Variants in TULP4 observed in about 807,000 individuals in gnomAD.
TULP4 encodes the protein tubby-related protein 4.
TULP4 carries 16 observed loss-of-function variants against 129.0 expected under a neutral mutation model. The ratio of observed to expected loss-of-function variants is 0.12; its 90% CI spans 0.08 to 0.19. The LOEUF (loss-of-function observed/expected upper bound fraction) is 0.19. Among genes scored for constraint, TULP4 ranks in the 10% least tolerant of loss-of-function variants. The pLI is 1.00. For missense variants in TULP4, 1,842 were observed against 2,059.1 expected (o/e 0.89, Z 2.04); for synonymous variants, 998 against 854.0 (o/e 1.17, Z -2.94).
chr6:158,326,260 A>G (rs1583750613), intron 1 of TULP4, among the ~76,000 whole-genome samples: 1 of 152,166 alleles, frequency 6.6e-6, no homozygotes, highest in South Asian at 2.1e-4. Context: ...AAACCTTCCT[A>G]CATCTTCAGC....
intron 1 of TULP4, among the ~76,000 whole-genome samples, chr6:158,412,408 C>T (rs1181439433): frequency 2.0e-5 from 3 of 152,160 alleles, no homozygotes; most frequent in African/African-American, 4.8e-5. Context: ...TCAAAAGCCA[C>T]CTAGCCGAGT....
chr6:158,429,146 C>G (rs1778571793), intron 2 of TULP4, among the ~76,000 whole-genome samples: 1 of 152,060 alleles, frequency 6.6e-6, no homozygotes, highest in African/African-American at 2.4e-5. Flanking sequence ...CTGCTCCCGA[C>G]TAATTATTTT....
At chr6:158,453,791 A>G (rs1205409961) in intron 5 of TULP4, among the ~76,000 whole-genome samples, 1 of 50,588 alleles carries the variant, frequency 2.0e-5, no homozygotes, top group Admixed American at 1.8e-4. Context: ...TCTGTCTCGG[A>G]AAAAAAAAAA....
At chr6:158,379,419 T>C (rs888500402) in intron 1 of TULP4, among the ~76,000 whole-genome samples, 2 of 152,202 alleles carry the variant, frequency 1.3e-5, no homozygotes, top group Non-Finnish European at 2.9e-5. Flanking sequence ...AGGGGACTTA[T>C]GGACAGAGTG....
chr6:158,296,538 A>G (rs1779036057), intron 1 of TULP4, among the ~76,000 whole-genome samples: 1 of 152,122 alleles, frequency 6.6e-6, no homozygotes. Flanking sequence ...AAGCAGAACT[A>G]CTGATAAGGG....
At chr6:158,482,486 T>A (rs576915104) in intron 8 of TULP4, among the ~76,000 whole-genome samples, 2 of 152,060 alleles carry the variant, frequency 1.3e-5, no homozygotes, top group Admixed American at 6.6e-5. Flanking sequence ...ACTAGCAGAA[T>A]TGGGGCTGGT....
At chr6:158,489,454 C>G in intron 8 of TULP4, 134 bp from the exon 9 acceptor site, 2 of 1,066,316 alleles carry the variant, frequency 1.9e-6, no homozygotes, top group Non-Finnish European at 2.7e-6. Flanking sequence ...TGCCAAGCTT[C>G]TTTTTGGTTT....
At chr6:158,337,716 A>G (rs1358125310) in intron 1 of TULP4, among the ~76,000 whole-genome samples, 2 of 152,208 alleles carry the variant, frequency 1.3e-5, no homozygotes, top group Non-Finnish European at 2.9e-5. Flanking sequence ...GATACCAATC[A>G]ATCGACTTAT....
chr6:158,366,833 C>T (rs1160500572), intron 1 of TULP4, among the ~76,000 whole-genome samples: 1 of 152,176 alleles, frequency 6.6e-6, no homozygotes, highest in East Asian at 1.9e-4. Context: ...ACTAAATAAT[C>T]TCAAGGTCCC....
intron 11 of TULP4, among the ~76,000 whole-genome samples, chr6:158,495,495 G>A (rs1327880192): frequency 1.3e-5 from 2 of 152,152 alleles, no homozygotes; most frequent in Non-Finnish European, 2.9e-5. Context: ...TGCTGTGGGC[G>A]GATTTTTGGT....
chr6:158,501,568 T>C (rs1780445673), intron 12 of TULP4, 110 bp from the exon 13 acceptor site: 2 of 1,128,358 alleles, frequency 1.8e-6, no homozygotes, highest in East Asian at 5.0e-5. Context: ...TCTGGCAATT[T>C]GCATTTTGTT....
intron 1 of TULP4, among the ~76,000 whole-genome samples, chr6:158,322,323 C>T (rs1040885627): frequency 2.0e-5 from 3 of 152,020 alleles, no homozygotes; most frequent in African/African-American, 7.2e-5. Context: ...TAGTGATGGC[C>T]TGTTCTTTTT....
intron 1 of TULP4, among the ~76,000 whole-genome samples, chr6:158,405,442 G>A (rs938419337): frequency 1.3e-5 from 2 of 152,218 alleles, no homozygotes; most frequent in Non-Finnish European, 2.9e-5. Context: ...CTATTTATTG[G>A]TGATCAAACA....
At position 158,502,679 on chromosome 6, in the gene TULP4, C is replaced by T. The variant is rs201288009; in HGVS notation, c.3016C>T (p.Arg1006Trp). 215 of 1,558,580 alleles carry T rather than the reference C, an allele frequency of 1.4e-4. 1 individual carries two copies. Among genetic ancestry groups the T allele is most frequent in the Middle Eastern group, 1.7e-4 (1 of 5,868 alleles). Reference sequence around the variant, plus strand: ...GATGGCCCAGCTGGCCGACAGCCCGCGGGCCCCCCTGCAGCCCCTGGCCAA... The same window carrying T: ...GATGGCCCAGCTGGCCGACAGCCCGTGGGCCCCCCTGCAGCCCCTGGCCAA... ...LKMAQLADSPRAPLQPLAKSK... is the reference protein window; with the variant it reads ...LKMAQLADSPWAPLQPLAKSK... Residue 1006 changes from arginine to tryptophan, a missense_variant, in exon 13 of 14, where the codon CGG becomes TGG. Around this residue, in one of 5 missense-constraint regions of TULP4, gnomAD observed 1,089 missense variants for 987.1 expected, o/e 1.10. Coordinates refer to ENST00000367097, the MANE Select transcript of TULP4 (RefSeq NM_020245.5).
At chr6:158,339,571 C>A (rs1292531587) in intron 1 of TULP4, among the ~76,000 whole-genome samples, 2 of 152,128 alleles carry the variant, frequency 1.3e-5, no homozygotes, top group East Asian at 3.8e-4. Context: ...AGAGGCCCCA[C>A]CCTGGGAATG....
chr6:158,344,938 C>T (rs1780266148), intron 1 of TULP4, among the ~76,000 whole-genome samples: 1 of 152,170 alleles, frequency 6.6e-6, no homozygotes, highest in African/African-American at 2.4e-5. Flanking sequence ...AAGTGCTACT[C>T]CAGTGAACAT....
chr6:158,305,750 A>T (rs1779208270), intron 1 of TULP4, among the ~76,000 whole-genome samples: 1 of 151,438 alleles, frequency 6.6e-6, no homozygotes, highest in African/African-American at 2.4e-5. Context: ...CCTTTTGGCT[A>T]CTGTGAATCA....
chr6:158,269,009 C>T (rs1778499893), intron 1 of TULP4, among the ~76,000 whole-genome samples: 2 of 152,190 alleles, frequency 1.3e-5, no homozygotes, highest in Non-Finnish European at 2.9e-5. Context: ...CCCATGTCCA[C>T]ACCCAAGCTT....
In TULP4 at chr6:158,510,865, TGAAAAG is replaced by T. The variant is rs1197927459; in HGVS notation, c.*4176_*4181del. On this transcript the variant is annotated 3_prime_UTR_variant, in exon 14 of 14. Coordinates refer to ENST00000367097, the MANE Select transcript of TULP4 (RefSeq NM_020245.5). ...CGGTCTTCAAATTGAAAAGGTTTCT[TGAAAAG>T]GAAAGTTTGGCCCAGCAACTGGAGA... is the stretch of plus-strand genomic sequence containing the variant. 1.3e-5 allele frequency: 2 copies of T among 152,176 alleles called. No homozygotes were observed. Among genetic ancestry groups the T allele is most frequent in the Non-Finnish European group, 2.9e-5 (2 of 68,052 alleles). The allele number at this position is 152,176 out of a possible 1,614,324, so 9.4% of individuals were successfully genotyped here. A position where few individuals can be genotyped will look rare whatever the true frequency, so the allele number is the denominator to read the frequency against.
Sources: gnomAD v4.1 joint callset for allele counts (sites outside exome capture counted in the v4.1 genomes callset) on GRCh38, gnomAD v4.1.1 for gene constraint, gnomAD v4.1.1 regional missense constraint, MANE v1.5 for transcripts, NCBI Gene and HGNC (gene_info 2026-07-23, HGNC 2026-07-21) for gene names.